The following KCMF1 variants were observed in gnomAD, a reference collection of about 807,000 sequenced individuals.
KCMF1 encodes the protein potassium channel modulatory factor 1, also known as E3 ubiquitin-protein ligase KCMF1.
A neutral mutation model predicts 41.1 loss-of-function variants in KCMF1; 3 were observed. The ratio of observed to expected loss-of-function variants is 0.07; its 90% CI spans 0.03 to 0.19. The LOEUF (loss-of-function observed/expected upper bound fraction) is 0.19, where lower values mean the gene tolerates loss of function less well. KCMF1 is among the 10% of genes least tolerant of loss of function. KCMF1 has a pLI of 1.00. For missense variants in KCMF1, 286 were observed against 488.9 expected (o/e 0.58, Z 3.91); for synonymous variants, 142 against 164.5 (o/e 0.86, Z 1.04).
chr2:85,024,713 A>T (rs1434851476), intron 1 of KCMF1, among the ~76,000 whole-genome samples: 1 of 152,016 alleles, frequency 6.6e-6, no homozygotes, highest in Non-Finnish European at 1.5e-5. Context: ...TGTTCTTTTG[A>T]ATCCGTCTTT....
At chr2:85,044,748 A>G (rs62162801) in intron 4 of KCMF1, among the ~76,000 whole-genome samples, 4,966 of 152,012 alleles carry the variant, frequency 0.033, 131 homozygotes, top group Middle Eastern at 0.095. Flanking sequence ...CGAACTCCTG[A>G]CCTCAGGTGA....
intron 1 of KCMF1, among the ~76,000 whole-genome samples, chr2:85,013,223 G>A (rs1034977978): frequency 1.3e-5 from 2 of 152,142 alleles, no homozygotes; most frequent in Non-Finnish European, 2.9e-5. Context: ...TACTGCAAGT[G>A]CTCAAAAATT....
chr2:85,034,511 T>C (rs779546335), intron 2 of KCMF1, among the ~76,000 whole-genome samples: 6 of 152,162 alleles, frequency 3.9e-5, no homozygotes, highest in Non-Finnish European at 7.3e-5. Context: ...TTTGTCTCGT[T>C]CTCTCTTAAG....
chr2:84,996,650 C>T (rs537973477), intron 1 of KCMF1, among the ~76,000 whole-genome samples: 21 of 151,966 alleles, frequency 1.4e-4, no homozygotes, highest in Middle Eastern at 3.4e-3. Flanking sequence ...TGGCCAGACT[C>T]GTCTCAAACT....
At chr2:85,020,746 A>G (rs1488811966) in intron 1 of KCMF1, among the ~76,000 whole-genome samples, 1 of 152,188 alleles carries the variant, frequency 6.6e-6, no homozygotes, top group East Asian at 1.9e-4. Flanking sequence ...AGCTATTTTG[A>G]ATAAGAAAAT....
At chr2:85,022,466 T>G (rs1236495925) in intron 1 of KCMF1, among the ~76,000 whole-genome samples, 1 of 152,146 alleles carries the variant, frequency 6.6e-6, no homozygotes, top group African/African-American at 2.4e-5. Context: ...AGTGAGACCT[T>G]GTCTCAAAAA....
intron 2 of KCMF1, among the ~76,000 whole-genome samples, chr2:85,034,308 C>T (rs913853558): frequency 9.2e-5 from 14 of 152,294 alleles, no homozygotes; most frequent in Admixed American, 8.5e-4. Context: ...TGGGAGTTCT[C>T]ATATTGATCA....
At chr2:85,011,034 G>C (rs960168895) in intron 1 of KCMF1, among the ~76,000 whole-genome samples, 6 of 151,984 alleles carry the variant, frequency 3.9e-5, no homozygotes, top group African/African-American at 1.5e-4. Flanking sequence ...AGTAGAAGTG[G>C]GGTTTCACCG....
intron 3 of KCMF1, among the ~76,000 whole-genome samples, chr2:85,039,601 G>A (rs183779252): frequency 2.0e-5 from 3 of 152,200 alleles, no homozygotes; most frequent in African/African-American, 7.2e-5. Context: ...TTGCTGGCTG[G>A]TAGTCATGCC....
At chr2:85,017,924 C>G (rs1356600312) in intron 1 of KCMF1, among the ~76,000 whole-genome samples, 1 of 152,104 alleles carries the variant, frequency 6.6e-6, no homozygotes, top group East Asian at 1.9e-4. Flanking sequence ...CACTAGAGGG[C>G]ATCCTTTTCT....
intron 1 of KCMF1, among the ~76,000 whole-genome samples, chr2:84,998,556 CAG>C (rs890732383): frequency 7.9e-5 from 12 of 151,980 alleles, no homozygotes; most frequent in Admixed American, 1.3e-4. Context: ...TCAACCCTGT[CAG>C]AGCCAACGCC....
chr2:85,018,250 C>T (rs917030551), intron 1 of KCMF1, among the ~76,000 whole-genome samples: 1 of 150,562 alleles, frequency 6.6e-6, no homozygotes, highest in African/African-American at 2.4e-5. Context: ...CTTTATGACA[C>T]AGTATGACTA....
chr2:85,008,281 TGA>T (rs1674529914), intron 1 of KCMF1, among the ~76,000 whole-genome samples: 9 of 100,770 alleles, frequency 8.9e-5, no homozygotes, highest in African/African-American at 3.4e-4. Context: ...ATATATAATA[TGA>T]TATATAATAT....
chr2:85,008,389 G>GATATATATT, intron 1 of KCMF1, among the ~76,000 whole-genome samples: 1 of 13,042 alleles, frequency 7.7e-5, no homozygotes, highest in African/African-American at 2.0e-4. Flanking sequence ...TATTATATAT[G>GATATATATT]ATATATATTA....
chr2:85,029,038 C>T (rs944283069), intron 2 of KCMF1, among the ~76,000 whole-genome samples: 6 of 152,064 alleles, frequency 3.9e-5, no homozygotes, highest in Admixed American at 1.3e-4. Context: ...GGCCGGATTT[C>T]GGCTCACTGC....
chr2:84,997,572 A>T (rs996403820), intron 1 of KCMF1, among the ~76,000 whole-genome samples: 1 of 152,062 alleles, frequency 6.6e-6, no homozygotes, highest in Non-Finnish European at 1.5e-5. Flanking sequence ...AGAGTAGGAC[A>T]CAGATCTCAG....
intron 1 of KCMF1, among the ~76,000 whole-genome samples, chr2:85,004,041 A>T (rs1347200628): frequency 6.6e-6 from 1 of 152,206 alleles, no homozygotes; most frequent in African/African-American, 2.4e-5. Flanking sequence ...GTGGGCAGGT[A>T]TACAGCACAG....
chr2:85,021,349 C>T (rs1316714735), intron 1 of KCMF1, among the ~76,000 whole-genome samples: 3 of 152,176 alleles, frequency 2.0e-5, no homozygotes, highest in East Asian at 1.9e-4. Flanking sequence ...TGCAGCCGGG[C>T]GCGGTGGCTC....
intron 5 of KCMF1, 33 bp from the exon 6 acceptor site, chr2:85,049,333 G>A (rs1312017131): frequency 6.2e-7 from 1 of 1,605,244 alleles, no homozygotes; most frequent in East Asian, 2.2e-5. Flanking sequence ...TCAGTATTAA[G>A]CAGACATTAA....
Sources: gnomAD v4.1 joint callset for allele counts (sites outside exome capture counted in the v4.1 genomes callset) on GRCh38, gnomAD v4.1.1 for gene constraint, MANE v1.5 for transcripts, NCBI Gene and HGNC (gene_info 2026-07-23, HGNC 2026-07-21) for gene names.